UGT2B11: variants seen among roughly 807,000 people sequenced by gnomAD.
The protein encoded by UGT2B11 is UDP-glucuronosyltransferase 2B11.
UGT2B11 carries 49 observed loss-of-function variants against 51.7 expected under a neutral mutation model. The observed-to-expected ratio is 0.95, with a 90% CI of 0.75 to 1.20. UGT2B11 has a LOEUF of 1.20. UGT2B11 is among the 50% of genes most tolerant of loss of function. The pLI is 0.00. For missense variants in UGT2B11, 810 were observed against 622.1 expected (o/e 1.30, Z -3.21); for synonymous variants, 273 against 209.0 (o/e 1.31, Z -2.64).
chr4:69,211,543 C>A (rs1306170266), intron 2 of UGT2B11, among the ~76,000 whole-genome samples: 1 of 151,530 alleles, frequency 6.6e-6, no homozygotes, highest in African/African-American at 2.4e-5. Flanking sequence ...ACCATAATTA[C>A]AAAATTAATA....
At chr4:69,218,353 A>T (rs1358735593), upstream of UGT2B11, among the ~76,000 whole-genome samples, 1 of 152,154 alleles carries the variant, frequency 6.6e-6, no homozygotes, top group African/African-American at 2.4e-5. Context: ...GAACACAAAT[A>T]GACCCTGGAA....
At chr4:69,220,138 G>A in the UGT2B11 span, among the ~76,000 whole-genome samples, 26 of 152,272 alleles carry the variant, frequency 1.7e-4, 1 homozygote, top group African/African-American at 4.8e-4. Context: ...ATGCAAGTCC[G>A]AAATCCAGGT....
intron 3 of UGT2B11, among the ~76,000 whole-genome samples, chr4:69,208,122 A>T (rs1239800443): frequency 1.3e-5 from 2 of 151,590 alleles, no homozygotes; most frequent in African/African-American, 4.8e-5. Flanking sequence ...ACTGATACTA[A>T]TAGGAGCCAC....
At chr4:69,213,068 T>G (rs1398916753) in intron 1 of UGT2B11, among the ~76,000 whole-genome samples, 1 of 151,404 alleles carries the variant, frequency 6.6e-6, no homozygotes, top group Non-Finnish European at 1.5e-5. Flanking sequence ...CTCTTTGAGC[T>G]CCATAATCAA....
At chr4:69,223,166 A>G in the UGT2B11 span, among the ~76,000 whole-genome samples, 1 of 152,182 alleles carries the variant, frequency 6.6e-6, no homozygotes, top group Non-Finnish European at 1.5e-5. Context: ...CCATTTTGTA[A>G]GGAATACTGT....
rs764385782 is a variant in UGT2B11, at chr4:69,214,366, T to A, written c.357A>T (p.Leu119Phe). The A allele has an allele frequency of 3.1e-5, 50 of 1,612,406 alleles. No homozygotes were observed. The Admixed American group carries it at 3.7e-4, about 12-fold the overall frequency. The change falls in exon 1 of 6, where the codon TTA becomes TTT. Residue 119 changes from leucine to phenylalanine, a missense_variant. By Grantham distance (22) the Leu-to-Phe change is conservative (BLOSUM62 0). Transcript: ENST00000446444. ...TACAGAAGTTTCTAAATATGTCATATAATTCCCACAGGATTTCTTGTTCTT... is the reference window on the plus strand; with the variant it reads ...TACAGAAGTTTCTAAATATGTCATAAAATTCCCACAGGATTTCTTGTTCTT... Reference protein sequence around the residue: ...FSQEQEILWELYDIFRNFCKD... With the variant: ...FSQEQEILWEFYDIFRNFCKD...
intron 5 of UGT2B11, among the ~76,000 whole-genome samples, chr4:69,204,052 A>C (rs1721756668): frequency 6.6e-6 from 1 of 151,698 alleles, no homozygotes. Context: ...TTAATTTTTC[A>C]GCAAGAAAAT....
intron 4 of UGT2B11, 57 bp from the exon 5 acceptor site, chr4:69,204,706 T>C (rs1721785701): frequency 6.2e-7 from 1 of 1,607,360 alleles, no homozygotes; most frequent in Admixed American, 1.7e-5. Context: ...AGATGCACAA[T>C]GAAAGGTTCT....
At chr4:69,205,115 G>A (rs184063856) in intron 4 of UGT2B11, among the ~76,000 whole-genome samples, 2 of 151,608 alleles carry the variant, frequency 1.3e-5, no homozygotes, top group Admixed American at 6.6e-5. Context: ...AGAAAATACA[G>A]AGTTACTGGT....
intron 4 of UGT2B11, 141 bp downstream of exon 4, chr4:69,205,339 A>T: frequency 1.8e-6 from 2 of 1,121,804 alleles, no homozygotes; most frequent in Non-Finnish European, 2.5e-6. Flanking sequence ...ATTCTACCAT[A>T]TTCTTTTCCC....
chr4:69,214,999 A>G (rs1379782252), upstream of UGT2B11: 4 of 380,822 alleles, frequency 1.1e-5, no homozygotes, highest in African/African-American at 2.1e-5. Flanking sequence ...ACTTTATAAT[A>G]GTGTCAAGAA....
At chr4:69,212,882 T>C (rs577375899) in intron 1 of UGT2B11, among the ~76,000 whole-genome samples, 161 bp from the exon 2 acceptor site, 16 of 150,890 alleles carry the variant, frequency 1.1e-4, no homozygotes, top group South Asian at 2.1e-4. Context: ...ATGTATTATA[T>C]ATTTTGTCCA....
chr4:69,201,307 C>G (rs978704849), intron 5 of UGT2B11: 1 of 151,722 alleles, frequency 6.6e-6, no homozygotes, highest in African/African-American at 2.4e-5. Context: ...CCTCATAGCT[C>G]GTCACTTTTC....
At chr4:69,205,872 GA>G (rs1343277558) in intron 3 of UGT2B11, among the ~76,000 whole-genome samples, 1 of 151,464 alleles carries the variant, frequency 6.6e-6, no homozygotes, top group Non-Finnish European at 1.5e-5. Context: ...ATCATATGAA[GA>G]AAAATAACAT....
Position 69,205,495 on chromosome 4 carries a change from G to A in UGT2B11, c.1075C>T (p.Gln359Ter). ...AGAGTGTTACCTAGAAGGTCATTCTGGGGTATCCACTTGTACAGCCGAGTA... is the reference window on the plus strand; with the variant it reads ...AGAGTGTTACCTAGAAGGTCATTCTAGGGTATCCACTTGTACAGCCGAGTA... Reference protein sequence around the residue: ...LNTRLYKWIPQNDLLGHPKTR... With the variant: ...LNTRLYKWIP Residue 359 changes from glutamine (Q) to a stop codon, truncating the protein, a stop_gained, in exon 4 of 6, where the codon CAG becomes TAG. Coordinates refer to ENST00000446444, the MANE Select transcript of UGT2B11 (RefSeq NM_001073.3). LOFTEE classifies it high-confidence loss of function. 6.2e-7 allele frequency: 1 copy of A among 1,610,550 alleles called. No individual in the cohort carries two copies. Among genetic ancestry groups the A allele is most frequent in the Non-Finnish European group, 8.5e-7 (1 of 1,177,814 alleles).
At chr4:69,213,220 T>C (rs961755915) in intron 1 of UGT2B11, among the ~76,000 whole-genome samples, 10 of 151,748 alleles carry the variant, frequency 6.6e-5, no homozygotes, top group African/African-American at 2.4e-4. Flanking sequence ...ACTATTCATT[T>C]GGATTTGAGC....
At chr4:69,207,020 G>A (rs1721884909) in intron 3 of UGT2B11, among the ~76,000 whole-genome samples, 1 of 151,330 alleles carries the variant, frequency 6.6e-6, no homozygotes, top group African/African-American at 2.4e-5. Flanking sequence ...AATTTCAAGC[G>A]ACAATTTTTG....
intron 2 of UGT2B11, among the ~76,000 whole-genome samples, chr4:69,210,253 A>T (rs182505801): frequency 3.3e-5 from 5 of 151,716 alleles, no homozygotes; most frequent in Non-Finnish European, 5.9e-5. Flanking sequence ...ATTACTTGTA[A>T]TGTTAATTTT....
intron 2 of UGT2B11, among the ~76,000 whole-genome samples, chr4:69,210,080 A>C (rs564729722): frequency 1.5e-4 from 23 of 151,708 alleles, no homozygotes; most frequent in African/African-American, 4.6e-4. Context: ...TATTGTATAT[A>C]CATTTTATCC....
Sources: allele counts gnomAD v4.1 joint callset (sites outside exome capture counted in the v4.1 genomes callset), GRCh38; gene constraint gnomAD v4.1.1; transcripts MANE v1.5; gene names NCBI Gene and HGNC (gene_info 2026-07-23, HGNC 2026-07-21).